Variants in TULP4 observed in about 807,000 individuals in gnomAD.
The protein encoded by TULP4 is tubby-related protein 4.
A neutral mutation model predicts 129.0 loss-of-function variants in TULP4; 16 were observed. That is an observed-to-expected ratio of 0.12 (90% CI 0.08 to 0.19). The LOEUF is 0.19. Ranked by LOEUF, TULP4 falls within the 10% of genes least tolerant of loss-of-function variation. The pLI, the probability that TULP4 is intolerant of heterozygous loss-of-function variation, is 1.00. For missense variants in TULP4, 1,842 were observed against 2,059.1 expected (o/e 0.89, Z 2.04); for synonymous variants, 998 against 854.0 (o/e 1.17, Z -2.94).
chr6:158,470,585 G>A (rs1779658412), intron 6 of TULP4, among the ~76,000 whole-genome samples: 1 of 152,256 alleles, frequency 6.6e-6, no homozygotes, highest in Non-Finnish European at 1.5e-5. Context: ...CACCTTCCAA[G>A]CTAGGCTTAG....
Position 158,337,035 on chromosome 6 carries a change from TTTTCTTTC to T in TULP4, c.252+22799_252+22806del, listed in dbSNP as rs777358592. On this transcript the variant is annotated intron_variant, in intron 1 of 13. Transcript: ENST00000367097. ...GAGCTGTAAAATTTTCTTTCTTTCT[TTTTCTTTC>T]TTTCTTTCTTTCTTTCTTTCTTTCT... 9.6e-3 allele frequency among the ~76,000 whole-genome samples: 257 copies of T among 26,676 alleles called. 3 individuals carry two copies. Among genetic ancestry groups the T allele is most frequent in the Middle Eastern group, 0.04 (2 of 50 alleles). The allele number at this position is 26,676 out of a possible 152,430, so 17.5% of individuals were successfully genotyped here.
At chr6:158,344,129 C>T (rs892577939) in intron 1 of TULP4, among the ~76,000 whole-genome samples, 8 of 152,178 alleles carry the variant, frequency 5.3e-5, no homozygotes, top group Non-Finnish European at 7.4e-5. Context: ...GTAATTCTCC[C>T]CACCCTTGAG....
intron 1 of TULP4, among the ~76,000 whole-genome samples, chr6:158,326,045 A>G (rs940456861): frequency 1.3e-5 from 2 of 152,060 alleles, no homozygotes; most frequent in African/African-American, 2.4e-5. Flanking sequence ...TAGTCACTCA[A>G]CCCAGCTTTG....
intron 1 of TULP4, among the ~76,000 whole-genome samples, chr6:158,235,011 A>G (rs1236783733): frequency 6.6e-6 from 1 of 152,070 alleles, no homozygotes; most frequent in Non-Finnish European, 1.5e-5. Flanking sequence ...TACTAAAAAT[A>G]CAAAAATTAA....
intron 1 of TULP4, among the ~76,000 whole-genome samples, chr6:158,254,317 A>G (rs562368314): frequency 5.3e-5 from 8 of 151,970 alleles, no homozygotes; most frequent in Admixed American, 1.3e-4. Flanking sequence ...TAATTTTTGT[A>G]TTTTTAGTAG....
chr6:158,253,847 C>T (rs1778192604), intron 1 of TULP4, among the ~76,000 whole-genome samples: 1 of 151,982 alleles, frequency 6.6e-6, no homozygotes, highest in Non-Finnish European at 1.5e-5. Context: ...CCAGACTGGC[C>T]AACATGGCGA....
At chr6:158,443,423 G>C (rs1406653283) in intron 3 of TULP4, among the ~76,000 whole-genome samples, 1 of 151,984 alleles carries the variant, frequency 6.6e-6, no homozygotes, top group Non-Finnish European at 1.5e-5. Context: ...GGCCGTAAAT[G>C]CATTTTTATA....
At chr6:158,237,252 T>G in intron 1 of TULP4, 4 of 947,684 alleles carry the variant, frequency 4.2e-6, no homozygotes, top group Non-Finnish European at 6.7e-6. Context: ...GGAGCAGTTC[T>G]GTGCTTCTTG....
chr6:158,237,399 C>G, intron 1 of TULP4: 1 of 1,610,540 alleles, frequency 6.2e-7, no homozygotes, highest in Non-Finnish European at 8.5e-7. Flanking sequence ...TTGCTGGAGC[C>G]CCTGCAGGTC....
intron 1 of TULP4, among the ~76,000 whole-genome samples, chr6:158,374,970 T>C (rs1777153605): frequency 6.6e-6 from 1 of 152,170 alleles, no homozygotes; most frequent in Non-Finnish European, 1.5e-5. Flanking sequence ...AGGCTGGGCA[T>C]GGTGGCTCAC....
At chr6:158,395,791 T>TC (rs1777701367) in intron 1 of TULP4, among the ~76,000 whole-genome samples, 1 of 151,774 alleles carries the variant, frequency 6.6e-6, no homozygotes, top group Non-Finnish European at 1.5e-5. Context: ...TTTATGCAGT[T>TC]CTAGTTGAGC....
intron 1 of TULP4, among the ~76,000 whole-genome samples, chr6:158,331,724 C>CGTATAT (rs1461352017): frequency 3.0e-4 from 8 of 26,610 alleles, no homozygotes; most frequent in African/African-American, 1.6e-3. Context: ...CACACACACA[C>CGTATAT]ACACATACGT....
chr6:158,295,050 G>A (rs923673977), intron 1 of TULP4, among the ~76,000 whole-genome samples: 1 of 152,174 alleles, frequency 6.6e-6, no homozygotes, highest in Non-Finnish European at 1.5e-5. Flanking sequence ...CAAACCTGTA[G>A]TCAAAAGCTG....
Position 158,510,670 on chromosome 6 carries a change from A to T in TULP4, c.*3976A>T, listed in dbSNP as rs919019086. On this transcript the variant is annotated 3_prime_UTR_variant, in exon 14 of 14. Coordinates refer to ENST00000367097, the MANE Select transcript of TULP4 (RefSeq NM_020245.5). Reference sequence around the variant, plus strand: ...TGTTTGGAATTGTGTTTGTTCTCATAGAATATACAAAAGTACTGATTCTAG... The same window carrying T: ...TGTTTGGAATTGTGTTTGTTCTCATTGAATATACAAAAGTACTGATTCTAG... 7.2e-5 allele frequency: 11 copies of T among 152,242 alleles called. No individual in the cohort carries two copies. Among genetic ancestry groups the T allele is most frequent in the African/African-American group, 2.7e-4 (11 of 41,446 alleles). The allele number at this position is 152,242 out of a possible 1,614,324, so 9.4% of individuals were successfully genotyped here.
At chr6:158,401,047 TTTTTTGTTG>T (rs759121282) in intron 1 of TULP4, among the ~76,000 whole-genome samples, 44 of 112,344 alleles carry the variant, frequency 3.9e-4, no homozygotes, top group Middle Eastern at 5.0e-3. Flanking sequence ...TTTGTTTGGG[TTTTTTGTTG>T]TTGTTGTTGT....
chr6:158,234,947 C>T (rs952379521), intron 1 of TULP4, among the ~76,000 whole-genome samples: 5 of 152,046 alleles, frequency 3.3e-5, no homozygotes, highest in Non-Finnish European at 7.4e-5. Flanking sequence ...CAGATGGATC[C>T]CTTTAGGCCA....
intron 1 of TULP4, among the ~76,000 whole-genome samples, chr6:158,375,503 A>G (rs1438326638): frequency 6.6e-6 from 1 of 152,158 alleles, no homozygotes; most frequent in Non-Finnish European, 1.5e-5. Context: ...AGGGTGTGCA[A>G]GGTGCAGAAG....
At chr6:158,237,444 G>C in intron 1 of TULP4, 2 of 1,564,056 alleles carry the variant, frequency 1.3e-6, no homozygotes, top group Non-Finnish European at 1.8e-6. Flanking sequence ...TACTTGTAGA[G>C]GCAGATAGTG....
chr6:158,240,228 C>A (rs1263908604), intron 1 of TULP4, among the ~76,000 whole-genome samples: 1 of 76,048 alleles, frequency 1.3e-5, no homozygotes. Context: ...CTGACCCCCC[C>A]ACCTCCCTCC....
Sources: allele counts gnomAD v4.1 joint callset (sites outside exome capture counted in the v4.1 genomes callset), GRCh38; gene constraint gnomAD v4.1.1; transcripts MANE v1.5; gene names NCBI Gene and HGNC (gene_info 2026-07-23, HGNC 2026-07-21).